The following PHLPP2 variants were observed in gnomAD, a reference collection of about 807,000 sequenced individuals.
The protein encoded by PHLPP2 is PH domain and leucine rich repeat protein phosphatase 2.
Under a neutral mutation model 124.9 loss-of-function variants are expected in PHLPP2, and 66 were observed. The ratio of observed to expected loss-of-function variants is 0.53; its 90% confidence interval spans 0.43 to 0.65. The LOEUF is 0.65. Among genes scored for constraint, PHLPP2 ranks in the 30% least tolerant of loss-of-function variants. The pLI, the probability that PHLPP2 is intolerant of heterozygous loss-of-function variation, is 0.00. For missense variants in PHLPP2, 1,685 were observed against 1,600.4 expected (o/e 1.05, Z -0.90); for synonymous variants, 681 against 624.7 (o/e 1.09, Z -1.34).
chr16:71,698,569 C>T, intron 3 of PHLPP2: 1 of 643,738 alleles, frequency 1.6e-6, no homozygotes. Flanking sequence ...TCTGAAAGGC[C>T]TGTCTCTAAG....
intron 13 of PHLPP2, among the ~76,000 whole-genome samples, chr16:71,659,645 C>T (rs1332751240): frequency 1.3e-5 from 2 of 152,222 alleles, no homozygotes; most frequent in Non-Finnish European, 2.9e-5. Flanking sequence ...TCTTATTATA[C>T]ACACAGCACT....
intron 8 of PHLPP2, 106 bp from the exon 9 acceptor site, chr16:71,676,755 C>A: frequency 1.9e-5 from 12 of 642,332 alleles, no homozygotes; most frequent in East Asian, 3.5e-5. Context: ...TCTCTGTTTA[C>A]TTTTTTTTTT....
At chr16:71,676,220 CTCT>C (rs2145333713) in intron 9 of PHLPP2, among the ~76,000 whole-genome samples, 1 of 152,270 alleles carries the variant, frequency 6.6e-6, no homozygotes, top group Non-Finnish European at 1.5e-5. Context: ...TGTGGAATGC[CTCT>C]TATTATGCTC....
chr16:71,676,104 G>A (rs1302966600), intron 9 of PHLPP2, among the ~76,000 whole-genome samples: 1 of 152,084 alleles, frequency 6.6e-6, no homozygotes, highest in African/African-American at 2.4e-5. Flanking sequence ...AAAAAAAGAG[G>A]TGGCAGGCCA....
At chr16:71,664,497 C>T (rs2044821431) in intron 12 of PHLPP2, among the ~76,000 whole-genome samples, 1 of 152,182 alleles carries the variant, frequency 6.6e-6, no homozygotes, top group Non-Finnish European at 1.5e-5. Context: ...GCCTATAATC[C>T]CAGCACTTTG....
Position 71,667,271 on chromosome 16 carries a change from G to A in PHLPP2, c.1691C>T (p.Pro564Leu), listed in dbSNP as rs543526903. ...MLGHNHVQNL[P>L]TLVEHIPLEV... ...GAGGGGGATGTGCTCTACCAGTGTT[G>A]GAAGGTTTTGCACATGATTGTGTCC... Residue 564 changes from proline to leucine, a missense_variant, in exon 12 of 19, where the codon CCA becomes CTA. Physicochemically the swap from Pro to Leu is moderately conservative, Grantham distance 98 (BLOSUM62 -3). Coordinates refer to ENST00000568954, the MANE Select transcript of PHLPP2 (RefSeq NM_015020.3). 1 of 1,613,498 alleles carries A rather than the reference G, an allele frequency of 6.2e-7. No individual in the cohort carries two copies. Among genetic ancestry groups the A allele is most frequent in the South Asian group, 1.1e-5 (1 of 91,000 alleles).
rs1443191454 is a variant in PHLPP2, at chr16:71,647,428, C to T, written c.*1462G>A. The T allele has an allele frequency of 6.6e-6, 1 of 152,638 alleles. No individual in the cohort carries two copies. Among genetic ancestry groups the T allele is most frequent in the Non-Finnish European group, 1.5e-5 (1 of 68,040 alleles). The allele number at this position is 152,638 out of a possible 1,614,324, so 9.5% of individuals were successfully genotyped here. The stretch of plus-strand genomic sequence containing the variant: ...AATATGCAGTTTTCAGAAGAGTACA[C>T]TGTTCAACATTCAAGAGGCGAGCTC... On this transcript the variant is annotated 3_prime_UTR_variant, in exon 19 of 19. Coordinates refer to ENST00000568954, the MANE Select transcript of PHLPP2 (RefSeq NM_015020.3).
In PHLPP2 at chr16:71,702,057, T is replaced by C. The variant is rs746543558; in HGVS notation, c.418+541A>G. On this transcript the variant is annotated intron_variant, in intron 3 of 18. Coordinates refer to ENST00000568954, the MANE Select transcript of PHLPP2 (RefSeq NM_015020.3). ...CAACCACAATCAGATAAGAAGCATG[T>C]TACTGTTCCAAGTTTTTGTTTTTTT... Among the ~76,000 whole-genome samples the C allele has an allele frequency of 2.0e-5, 3 of 152,284 alleles. No individual in the cohort carries two copies. In the East Asian group the frequency reaches 5.8e-4, roughly 29 times the overall value.
At chr16:71,713,379 G>C (rs2045336164) in intron 2 of PHLPP2, among the ~76,000 whole-genome samples, 1 of 152,136 alleles carries the variant, frequency 6.6e-6, no homozygotes, top group Admixed American at 6.5e-5. Flanking sequence ...TCATATTTCT[G>C]ATGGAAATAT....
intron 8 of PHLPP2, chr16:71,678,509 G>A (rs2044967919): frequency 4.6e-6 from 2 of 433,228 alleles, no homozygotes; most frequent in Non-Finnish European, 4.1e-6. Flanking sequence ...GCCTCGTGGT[G>A]CGCACCTGAA....
chr16:71,723,701 T>C, intron 1 of PHLPP2: 2 of 742,284 alleles, frequency 2.7e-6, no homozygotes, highest in Non-Finnish European at 3.9e-6. Context: ...CTAGCCTCCC[T>C]CGTTCCCTCC....
Position 71,676,575 on chromosome 16 carries a change from T to C in PHLPP2, c.1343A>G (p.Asp448Gly). 1 of 1,614,122 alleles carries C rather than the reference T, an allele frequency of 6.2e-7. No individual in the cohort carries two copies. The highest frequency in any genetic ancestry group is 1.1e-5 in the South Asian group (1 of 91,088). Residue 448 changes from aspartate (D) to glycine (G), a missense_variant, in exon 9 of 19, where the codon GAC becomes GGC. Physicochemically the swap from Asp to Gly is moderately conservative, Grantham distance 94. Transcript: ENST00000568954. ...NKHITHVDLR[D>G]NRLTDLDLSS... ...AAGATCCAAGTCAGTCAGTCGGTTG[T>C]CCCGCAGATCCACGTGGGTGATGTG... is the stretch of plus-strand genomic sequence containing the variant.
intron 18 of PHLPP2, 49 bp from the exon 19 acceptor site, chr16:71,650,093 C>A: frequency 1.4e-6 from 2 of 1,418,430 alleles, no homozygotes; most frequent in Non-Finnish European, 9.7e-7. Flanking sequence ...ACGATGAGAG[C>A]CAACTTATCT....
At chr16:71,670,476 A>G (rs1271992882) in intron 10 of PHLPP2, among the ~76,000 whole-genome samples, 2 of 152,228 alleles carry the variant, frequency 1.3e-5, no homozygotes, top group Non-Finnish European at 2.9e-5. Context: ...CAACACAGAA[A>G]AGTTCCAATA....
intron 3 of PHLPP2, among the ~76,000 whole-genome samples, chr16:71,696,662 A>T (rs2045174342): frequency 6.6e-6 from 1 of 151,950 alleles, no homozygotes; most frequent in African/African-American, 2.4e-5. Context: ...AAAAAAAAAA[A>T]AATTCTACTT....
chr16:71,684,486 T>A lies in PHLPP2; in HGVS notation c.725A>T (p.Gln242Leu). 6.2e-7 allele frequency: 1 copy of A among 1,613,994 alleles called. No individual in the cohort carries two copies. Among genetic ancestry groups the A allele is most frequent in the Non-Finnish European group, 8.5e-7 (1 of 1,179,956 alleles). Reference sequence around the variant, plus strand: ...CCCATTACTTTTCACCTTGGATGCTTGCCGTTGCCATCGCTGGTACTCGGC... The same window carrying A: ...CCCATTACTTTTCACCTTGGATGCTAGCCGTTGCCATCGCTGGTACTCGGC... ...TLAEYQRWQR[Q>L]ASKVVSQRIS... Residue 242 changes from glutamine to leucine, a missense_variant, in exon 5 of 19, where the codon CAA (glutamine) becomes CTA (leucine). Coordinates refer to ENST00000568954, the MANE Select transcript of PHLPP2 (RefSeq NM_015020.3).
At chr16:71,708,642 T>A (rs2045301727) in intron 2 of PHLPP2, among the ~76,000 whole-genome samples, 1 of 152,144 alleles carries the variant, frequency 6.6e-6, no homozygotes, top group Non-Finnish European at 1.5e-5. Flanking sequence ...AAAAATTAGC[T>A]GCGCCTGGTG....
Position 71,702,808 on chromosome 16 carries a change from T to TTTTTAC in PHLPP2, c.285-78_285-77insGTAAAA, listed in dbSNP as rs2045244686. ...TTCATTTAATTTTTTAGTATTTTTA[T>TTTTTAC]TTGTATAAATTTCAGGGGTACAAGT... On this transcript the variant is annotated intron_variant, in intron 2 of 18. Coordinates refer to ENST00000568954, the MANE Select transcript of PHLPP2 (RefSeq NM_015020.3). 6 of 1,009,874 alleles carry TTTTTAC rather than the reference T, an allele frequency of 5.9e-6. No homozygotes were observed. The South Asian group carries it at 7.3e-5, about 12-fold the overall frequency. The allele number at this position is 1,009,874 out of a possible 1,614,324, so 62.6% of individuals were successfully genotyped here.
chr16:71,675,979 C>A (rs896891993), intron 9 of PHLPP2, among the ~76,000 whole-genome samples: 1 of 152,020 alleles, frequency 6.6e-6, no homozygotes, highest in African/African-American at 2.4e-5. Flanking sequence ...CCTCAGCCTC[C>A]CAAAGTGCTG....
Sources: allele counts gnomAD v4.1 joint callset (sites outside exome capture counted in the v4.1 genomes callset), GRCh38; gene constraint gnomAD v4.1.1; transcripts MANE v1.5; gene names NCBI Gene and HGNC (gene_info 2026-07-23, HGNC 2026-07-21).